The following DCDC2 variants were observed in gnomAD, a reference collection of about 807,000 sequenced individuals.
DCDC2 encodes the protein doublecortin domain-containing protein 2.
Under a neutral mutation model 50.2 loss-of-function variants are expected in DCDC2, and 40 were observed. The observed-to-expected ratio is 0.80, with a 90% confidence interval of 0.62 to 1.04. The LOEUF is 1.04. Ranked by LOEUF, DCDC2 falls within the 50% of genes least tolerant of loss-of-function variation. The pLI is 0.00. For synonymous variants in DCDC2, 234 were observed against 210.6 expected, an observed-to-expected ratio of 1.11 and a Z score of -0.96; for missense variants, 570 against 581.9, an observed-to-expected ratio of 0.98 and a Z score of 0.21.
chr6:24,349,312 A>G (rs1431139571), intron 2 of DCDC2, among the ~76,000 whole-genome samples: 5 of 152,256 alleles, frequency 3.3e-5, no homozygotes, highest in African/African-American at 4.8e-5. Context: ...GCAAGACTAT[A>G]AATTCCTGGA....
At position 24,278,072 on chromosome 6, in the gene DCDC2, G is replaced by A. The variant is rs766172465; in HGVS notation, c.899C>T (p.Ser300Leu). 4 of 1,612,090 alleles carry A rather than the reference G, an allele frequency of 2.5e-6. No individual in the cohort carries two copies. Among genetic ancestry groups the A allele is most frequent in the Middle Eastern group, 3.3e-4 (2 of 6,048 alleles). Residue 300 changes from serine (S) to leucine (L), a missense_variant, in exon 7 of 10, where the codon TCA becomes TTA. Physicochemically the swap from Ser to Leu is moderately radical, Grantham distance 145. Coordinates refer to ENST00000378454, the MANE Select transcript of DCDC2 (RefSeq NM_016356.5). The stretch of plus-strand genomic sequence containing the variant: ...ACCACTATTTGGAATGGTTTCTTGT[G>A]AATTCTTTAATTTTACATTTTGTTT... ...KLKQNVKLKN[S>L]QETIPNSDEG...
At chr6:24,298,278 G>A (rs1759301070) in intron 4 of DCDC2, among the ~76,000 whole-genome samples, 1 of 152,248 alleles carries the variant, frequency 6.6e-6, no homozygotes, top group Non-Finnish European at 1.5e-5. Flanking sequence ...CTGCTGTGCA[G>A]TCGGGTTCCT....
At chr6:24,196,459 C>T (rs1761443246) in intron 8 of DCDC2, among the ~76,000 whole-genome samples, 1 of 152,162 alleles carries the variant, frequency 6.6e-6, no homozygotes, top group Non-Finnish European at 1.5e-5. Flanking sequence ...CTCGCTGTGT[C>T]ACCCACACTA....
intron 7 of DCDC2, among the ~76,000 whole-genome samples, chr6:24,267,780 G>C (rs1763156481): frequency 6.6e-6 from 1 of 152,134 alleles, no homozygotes; most frequent in African/African-American, 2.4e-5. Flanking sequence ...ACTCCACAAG[G>C]GAACCCTTGC....
intron 6 of DCDC2, among the ~76,000 whole-genome samples, chr6:24,281,709 T>A (rs1763476319): frequency 6.6e-6 from 1 of 152,138 alleles, no homozygotes; most frequent in Non-Finnish European, 1.5e-5. Context: ...GGCTTCCACA[T>A]GTGACTTGTA....
intron 7 of DCDC2, among the ~76,000 whole-genome samples, chr6:24,210,046 GTGTGTGTGTC>G (rs1483507053): frequency 3.6e-4 from 51 of 143,278 alleles, no homozygotes; most frequent in Admixed American, 1.2e-3. Flanking sequence ...GTGTGTGTGT[GTGTGTGTGTC>G]TGTCTGTCTG....
chr6:24,338,412 C>T (rs1192501612), intron 2 of DCDC2, among the ~76,000 whole-genome samples: 1 of 152,130 alleles, frequency 6.6e-6, no homozygotes, highest in African/African-American at 2.4e-5. Context: ...TATCCAGTAG[C>T]CCAGGCCAGA....
chr6:24,282,097 G>T (rs1339569092), intron 6 of DCDC2, among the ~76,000 whole-genome samples: 1 of 152,052 alleles, frequency 6.6e-6, no homozygotes, highest in African/African-American at 2.4e-5. Context: ...GCAAAAACTA[G>T]ACCCCTTGAG....
At chr6:24,198,970 C>T (rs1469993881) in intron 8 of DCDC2, among the ~76,000 whole-genome samples, 2 of 152,202 alleles carry the variant, frequency 1.3e-5, no homozygotes, top group African/African-American at 4.8e-5. Flanking sequence ...TTCCTCCTCT[C>T]TGGGTAGGGC....
At chr6:24,254,597 TAAC>T (rs1424415657) in intron 7 of DCDC2, among the ~76,000 whole-genome samples, 1 of 152,136 alleles carries the variant, frequency 6.6e-6, no homozygotes, top group African/African-American at 2.4e-5. Flanking sequence ...ATCCCAAACT[TAAC>T]AATGATTTTA....
rs1229611020 is a variant in DCDC2, at chr6:24,313,384, A to C, written c.349-11340T>G. ...GCCACTAAGCAAGCACTGGGGAAAA[A>C]AAAAATAAAAGTATTTGGGGATTGT... On this transcript the variant is annotated intron_variant, in intron 2 of 9. Transcript: ENST00000378454. Among the ~76,000 whole-genome samples, 3 of 152,320 alleles carry C rather than the reference A, an allele frequency of 2.0e-5. No individual in the cohort carries two copies. The East Asian group carries it at 5.8e-4, about 29-fold the overall frequency.
chr6:24,180,277 T>A (rs1474020345), intron 8 of DCDC2, among the ~76,000 whole-genome samples: 1 of 151,828 alleles, frequency 6.6e-6, no homozygotes. Flanking sequence ...ATAACACGGT[T>A]TTTTTGTTGT....
chr6:24,192,148 G>C (rs1320344781), intron 8 of DCDC2, among the ~76,000 whole-genome samples: 1 of 152,180 alleles, frequency 6.6e-6, no homozygotes, highest in Non-Finnish European at 1.5e-5. Flanking sequence ...AACGACTCAA[G>C]TATAGCTCAG....
At chr6:24,360,443 T>A (rs1028918847), upstream of DCDC2, among the ~76,000 whole-genome samples, 13 of 152,134 alleles carry the variant, frequency 8.5e-5, no homozygotes, top group African/African-American at 2.7e-4. Context: ...AGGGAAAGGA[T>A]TTTTTCACTG....
chr6:24,355,189 T>A (rs191006054), intron 1 of DCDC2, among the ~76,000 whole-genome samples: 1 of 152,166 alleles, frequency 6.6e-6, no homozygotes, highest in Non-Finnish European at 1.5e-5. Flanking sequence ...AATTCAGTTT[T>A]TTGTGTATGA....
chr6:24,352,742 G>T (rs970806271), intron 2 of DCDC2, among the ~76,000 whole-genome samples: 24 of 152,116 alleles, frequency 1.6e-4, no homozygotes, highest in African/African-American at 5.8e-4. Context: ...TGGACTACAA[G>T]TGAGAAAAAC....
chr6:24,289,560 A>T (rs1763693918), intron 5 of DCDC2, among the ~76,000 whole-genome samples: 2 of 152,228 alleles, frequency 1.3e-5, no homozygotes, highest in Admixed American at 6.5e-5. Context: ...TATTACCATC[A>T]GGTACACACT....
intron 7 of DCDC2, among the ~76,000 whole-genome samples, chr6:24,250,790 T>G (rs2113798659): frequency 6.6e-6 from 1 of 152,210 alleles, no homozygotes; most frequent in East Asian, 1.9e-4. Context: ...AAAGCACTCC[T>G]ACACCAGGCA....
chr6:24,359,616 T>G (rs1760626275), upstream of DCDC2, among the ~76,000 whole-genome samples: 1 of 139,394 alleles, frequency 7.2e-6, no homozygotes, highest in South Asian at 2.1e-4. Context: ...AAAGAGAGAA[T>G]CCGGGTACCG....
Sources: gnomAD v4.1 joint callset for allele counts (sites outside exome capture counted in the v4.1 genomes callset) on GRCh38, gnomAD v4.1.1 for gene constraint, MANE v1.5 for transcripts, NCBI Gene and HGNC (gene_info 2026-07-23, HGNC 2026-07-21) for gene names.